The following DYNC2H1 variants were observed in gnomAD, a reference collection of about 807,000 sequenced individuals.
DYNC2H1 encodes dynein cytoplasmic 2 heavy chain 1, also known as cytoplasmic dynein 2 heavy chain 1.
Under a neutral mutation model 570.0 loss-of-function variants are expected in DYNC2H1, and 410 were observed. The observed-to-expected ratio is 0.72, with a 90% confidence interval of 0.66 to 0.78. The LOEUF is 0.78. DYNC2H1 is among the 30% of genes least tolerant of loss of function. The pLI is 0.00. For missense variants in DYNC2H1, 4,865 were observed against 5,046.4 expected (o/e 0.96, Z 1.09); for synonymous variants, 1,688 against 1,677.6 (o/e 1.01, Z -0.15).
At chr11:103,449,504 C>T (rs1367280103) in intron 85 of DYNC2H1, among the ~76,000 whole-genome samples, 1 of 152,144 alleles carries the variant, frequency 6.6e-6, no homozygotes, top group Non-Finnish European at 1.5e-5. Flanking sequence ...ATCTAGTTTT[C>T]AAATTGATCC....
intron 66 of DYNC2H1, among the ~76,000 whole-genome samples, 199 bp from the exon 67 acceptor site, chr11:103,255,216 T>C (rs749617628): frequency 1.6e-4 from 24 of 152,338 alleles, no homozygotes; most frequent in South Asian, 4.1e-4. Flanking sequence ...AATATTTTAC[T>C]GATCAGCTTA....
chr11:103,121,913 A>G (rs766959604), intron 10 of DYNC2H1, among the ~76,000 whole-genome samples: 29 of 152,286 alleles, frequency 1.9e-4, no homozygotes, highest in Non-Finnish European at 3.1e-4. Context: ...ATTGTGCCAC[A>G]GTGCTCCATG....
chr11:103,285,209 A>G (rs1167442771), intron 73 of DYNC2H1, among the ~76,000 whole-genome samples: 1 of 152,184 alleles, frequency 6.6e-6, no homozygotes, highest in Non-Finnish European at 1.5e-5. Flanking sequence ...ACTGGGCTCA[A>G]TTCTGAATAT....
At chr11:103,403,315 G>A (rs111313215) in intron 84 of DYNC2H1, 37 of 151,984 alleles carry the variant, frequency 2.4e-4, no homozygotes, top group African/African-American at 8.9e-4. Flanking sequence ...TTTGTGTAGG[G>A]GGTGTGTAAT....
At chr11:103,401,048 G>C (rs1176544882) in intron 84 of DYNC2H1, among the ~76,000 whole-genome samples, 5 of 152,134 alleles carry the variant, frequency 3.3e-5, no homozygotes, top group Admixed American at 3.3e-4. Context: ...GAAGGAACCA[G>C]TTGGAAAGGA....
intron 24 of DYNC2H1, 108 bp downstream of exon 24, chr11:103,154,917 T>C (rs181739110): frequency 4.1e-4 from 335 of 817,598 alleles, no homozygotes; most frequent in Non-Finnish European, 5.6e-4. Context: ...AATTAAATTA[T>C]TCCGTTTGAT....
rs202233363 is a variant in DYNC2H1, at chr11:103,121,495, A to G, written c.1484A>G (p.Lys495Arg). Reference protein sequence around the residue: ...SIVWVRQLELKVDDTIKIAEA... With the variant: ...SIVWVRQLELRVDDTIKIAEA... ...GTTTGGGTTCGCCAGTTGGAATTGA[A>G]GGTATTTATTTTAATAAAAGATGAA... Residue 495 changes from lysine to arginine, a missense_variant and splice_region_variant, in exon 10 of 89, where the codon AAG becomes AGG. By Grantham distance (26) the Lys-to-Arg change is conservative. Coordinates refer to ENST00000375735, the MANE Select transcript of DYNC2H1 (RefSeq NM_001377.3). The G allele has an allele frequency of 6.2e-7, 1 of 1,611,456 alleles. No individual in the cohort carries two copies. Among genetic ancestry groups the G allele is most frequent in the East Asian group, 2.2e-5 (1 of 44,804 alleles).
chr11:103,150,628 A>G (rs796820831), intron 20 of DYNC2H1, among the ~76,000 whole-genome samples: 1 of 152,202 alleles, frequency 6.6e-6, no homozygotes, highest in African/African-American at 2.4e-5. Context: ...ACAAATACAA[A>G]TTTTGAAGTC....
chr11:103,281,810 C>T (rs903455735), intron 71 of DYNC2H1, among the ~76,000 whole-genome samples: 2 of 151,748 alleles, frequency 1.3e-5, no homozygotes, highest in Non-Finnish European at 2.9e-5. Context: ...CTACCAGATA[C>T]CATTTTTAAG....
chr11:103,296,547 G>A (rs920898961), intron 75 of DYNC2H1, among the ~76,000 whole-genome samples: 2 of 152,020 alleles, frequency 1.3e-5, no homozygotes, highest in Non-Finnish European at 2.9e-5. Flanking sequence ...GAAGCAATAG[G>A]ACAAAAATTC....
At chr11:103,337,679 T>G (rs960577980) in intron 82 of DYNC2H1, among the ~76,000 whole-genome samples, 6 of 152,244 alleles carry the variant, frequency 3.9e-5, no homozygotes, top group South Asian at 2.1e-4. Flanking sequence ...TTTGCATGTC[T>G]TCTTTTGAGA....
intron 36 of DYNC2H1, among the ~76,000 whole-genome samples, chr11:103,176,015 A>G (rs189016161): frequency 6.2e-4 from 95 of 152,262 alleles, no homozygotes; most frequent in Admixed American, 6.2e-3. Flanking sequence ...TCTGAATTCT[A>G]TGGGAAAGAG....
At chr11:103,247,318 T>G (rs1015303866) in intron 65 of DYNC2H1, among the ~76,000 whole-genome samples, 1 of 152,060 alleles carries the variant, frequency 6.6e-6, no homozygotes, top group African/African-American at 2.4e-5. Context: ...AGATGCCTCC[T>G]TTTAGGCATG....
At chr11:103,300,815 A>T (rs1031494582) in intron 75 of DYNC2H1, among the ~76,000 whole-genome samples, 20 of 152,104 alleles carry the variant, frequency 1.3e-4, no homozygotes, top group African/African-American at 4.8e-4. Context: ...TTAAATAAAC[A>T]AGTGGTATGG....
chr11:103,312,364 G>A (rs1382901801), intron 79 of DYNC2H1, among the ~76,000 whole-genome samples: 35 of 124,126 alleles, frequency 2.8e-4, no homozygotes, highest in African/African-American at 1.1e-3. Flanking sequence ...TGGGCAACAA[G>A]AGCAAAACTC....
intron 80 of DYNC2H1, among the ~76,000 whole-genome samples, chr11:103,317,453 T>G (rs1937918371): frequency 6.6e-6 from 1 of 152,178 alleles, no homozygotes; most frequent in Non-Finnish European, 1.5e-5. Flanking sequence ...TTCGCTTATT[T>G]TCCAATGTGT....
intron 62 of DYNC2H1, among the ~76,000 whole-genome samples, chr11:103,236,098 T>C (rs1294371096): frequency 6.6e-6 from 1 of 151,942 alleles, no homozygotes; most frequent in Non-Finnish European, 1.5e-5. Flanking sequence ...AATTAAACAT[T>C]ATGTTACTTT....
At chr11:103,139,873 G>A (rs1591303084) in intron 17 of DYNC2H1, among the ~76,000 whole-genome samples, 1 of 152,104 alleles carries the variant, frequency 6.6e-6, no homozygotes. Flanking sequence ...GGTCACTCAG[G>A]ACTTGCTTTA....
intron 83 of DYNC2H1, among the ~76,000 whole-genome samples, chr11:103,366,515 G>A (rs1940914909): frequency 6.6e-6 from 1 of 152,070 alleles, no homozygotes. Flanking sequence ...TTATTGGTAA[G>A]ATAATATAAA....
Sources: allele counts gnomAD v4.1 joint callset (sites outside exome capture counted in the v4.1 genomes callset), GRCh38; gene constraint gnomAD v4.1.1; transcripts MANE v1.5; gene names NCBI Gene and HGNC (gene_info 2026-07-23, HGNC 2026-07-21).